KIAA1958: variants seen among roughly 807,000 people sequenced by gnomAD.
KIAA1958 encodes KIAA1958.
KIAA1958 carries 14 observed loss-of-function variants against 47.2 expected under a neutral mutation model. The observed-to-expected ratio is 0.30, with a 90% confidence interval of 0.20 to 0.46. The LOEUF (loss-of-function observed/expected upper bound fraction) is 0.46. KIAA1958 is among the 20% of genes least tolerant of loss of function. The pLI is 1.00. For synonymous variants in KIAA1958, 354 were observed against 353.3 expected, an observed-to-expected ratio of 1.00 and a Z score of -0.02; for missense variants, 803 against 909.2, an observed-to-expected ratio of 0.88 and a Z score of 1.50.
chr9:112,497,781 G>A (rs1217323978), intron 1 of KIAA1958, among the ~76,000 whole-genome samples: 1 of 151,842 alleles, frequency 6.6e-6, no homozygotes, highest in African/African-American at 2.4e-5. Flanking sequence ...TTAGGTTTCT[G>A]TTTCTACCAG....
intron 3 of KIAA1958, among the ~76,000 whole-genome samples, chr9:112,653,837 C>G (rs138340269): frequency 1.8e-3 from 275 of 152,148 alleles, no homozygotes; most frequent in African/African-American, 6.4e-3. Context: ...GAGGTGGATG[C>G]TGCAGTGAGC....
At chr9:112,545,406 T>C (rs6477947) in intron 1 of KIAA1958, among the ~76,000 whole-genome samples, 145,350 of 152,258 alleles carry the variant, frequency 0.95, 69,451 homozygotes, top group African/African-American at 0.99. Flanking sequence ...TTAAACCATA[T>C]TGAGGGAGAA....
At chr9:112,503,122 A>G (rs1489710585) in intron 1 of KIAA1958, among the ~76,000 whole-genome samples, 1 of 152,216 alleles carries the variant, frequency 6.6e-6, no homozygotes, top group Non-Finnish European at 1.5e-5. Flanking sequence ...GATAAGTGCT[A>G]AGAAGGAAGA....
chr9:112,595,880 G>A lies in KIAA1958; in HGVS notation c.1171+20629G>A, dbSNP rs559701508. On this transcript the variant is annotated intron_variant, in intron 2 of 3. Coordinates refer to ENST00000337530, the MANE Select transcript of KIAA1958 (RefSeq NM_133465.4). The stretch of plus-strand genomic sequence containing the variant: ...GGCTCACCGCAACGTCCGCCTCCCG[G>A]GTTCAAGTGATTCTCCTGCCTCAGC... 9.2e-5 allele frequency among the ~76,000 whole-genome samples: 14 copies of A among 151,794 alleles called. No homozygotes were observed. The South Asian group carries it at 2.9e-3, about 32-fold the overall frequency.
Position 112,667,028 on chromosome 9 carries a change from C to T in KIAA1958, c.*6959C>T, listed in dbSNP as rs1837359627. ...AACAATAAATACCTGAGTAGCAGAA[C>T]ACGCAAATATTATGATTTTTTATGT... On this transcript the variant is annotated 3_prime_UTR_variant, in exon 4 of 4. Coordinates refer to ENST00000337530, the MANE Select transcript of KIAA1958 (RefSeq NM_133465.4). The T allele has an allele frequency of 6.6e-6, 1 of 152,150 alleles. No individual in the cohort carries two copies. Among genetic ancestry groups the T allele is most frequent in the Non-Finnish European group, 1.5e-5 (1 of 68,044 alleles). The allele number at this position is 152,150 out of a possible 1,614,324, so 9.4% of individuals were successfully genotyped here.
intron 2 of KIAA1958, chr9:112,581,634 C>T (rs960885619): frequency 6.6e-6 from 1 of 152,382 alleles, no homozygotes; most frequent in Admixed American, 6.5e-5. Flanking sequence ...AGGAAGTGAA[C>T]CTTGGAACTG....
chr9:112,504,012 A>G (rs769317574), intron 1 of KIAA1958, among the ~76,000 whole-genome samples: 3 of 152,078 alleles, frequency 2.0e-5, no homozygotes, highest in East Asian at 1.9e-4. Flanking sequence ...AGTATTTTGC[A>G]TATTTCTGTC....
At chr9:112,488,353 C>T (rs1833906498) in intron 1 of KIAA1958, among the ~76,000 whole-genome samples, 1 of 152,078 alleles carries the variant, frequency 6.6e-6, no homozygotes, top group Non-Finnish European at 1.5e-5. Flanking sequence ...ATTTGATTAG[C>T]TAGCTAAGTT....
intron 2 of KIAA1958, among the ~76,000 whole-genome samples, chr9:112,633,557 A>G (rs78235473): frequency 0.024 from 3,706 of 152,170 alleles, 76 homozygotes; most frequent in Non-Finnish European, 0.029. Flanking sequence ...TTATGACGCT[A>G]ATATATTGCT....
intron 3 of KIAA1958, among the ~76,000 whole-genome samples, chr9:112,646,484 G>A (rs1239741800): frequency 6.6e-6 from 1 of 152,186 alleles, no homozygotes; most frequent in African/African-American, 2.4e-5. Flanking sequence ...AATGAAAGTG[G>A]TATTTTAGGG....
chr9:112,531,551 C>T (rs1231134397), intron 1 of KIAA1958, among the ~76,000 whole-genome samples: 2 of 152,096 alleles, frequency 1.3e-5, no homozygotes, highest in East Asian at 1.9e-4. Context: ...AATAAATTGG[C>T]TTGTGTTACT....
chr9:112,625,159 G>A (rs1044732476), intron 2 of KIAA1958, among the ~76,000 whole-genome samples: 1 of 151,956 alleles, frequency 6.6e-6, no homozygotes, highest in Non-Finnish European at 1.5e-5. Context: ...TTTGTTTTTC[G>A]AGACAGGGTC....
chr9:112,542,283 C>T (rs1834957512), intron 1 of KIAA1958, among the ~76,000 whole-genome samples: 1 of 151,920 alleles, frequency 6.6e-6, no homozygotes, highest in African/African-American at 2.4e-5. Flanking sequence ...GAACATAGCT[C>T]ATGAATATGA....
At chr9:112,513,253 C>T (rs1834353043) in intron 1 of KIAA1958, among the ~76,000 whole-genome samples, 1 of 129,672 alleles carries the variant, frequency 7.7e-6, no homozygotes, top group Non-Finnish European at 1.6e-5. Flanking sequence ...GATCCACCCA[C>T]CTCAGCCTCC....
intron 1 of KIAA1958, among the ~76,000 whole-genome samples, chr9:112,531,547 T>G (rs1834752248): frequency 1.3e-5 from 2 of 152,176 alleles, no homozygotes; most frequent in Non-Finnish European, 1.5e-5. Context: ...TAAAAATAAA[T>G]TGGCTTGTGT....
Position 112,575,366 on chromosome 9 carries a change from T to C in KIAA1958, c.1171+115T>C, listed in dbSNP as rs145938354. On this transcript the variant is annotated intron_variant, in intron 2 of 3. Transcript: ENST00000337530. The stretch of plus-strand genomic sequence containing the variant: ...CTAGAATTCAGTCCTTTGTTAGTCA[T>C]AGAAAGATAGAAACAATGACTGTGT... The C allele has an allele frequency of 1.2e-3, 761 of 653,562 alleles. 6 individuals are homozygous for C. The African/African-American group carries it at 0.012, about 11-fold the overall frequency. The allele number at this position is 653,562 out of a possible 1,614,324, so 40.5% of individuals were successfully genotyped here.
intron 2 of KIAA1958, among the ~76,000 whole-genome samples, chr9:112,636,455 T>C (rs950742558): frequency 1.3e-5 from 2 of 152,124 alleles, no homozygotes; most frequent in Admixed American, 6.5e-5. Context: ...CTCCCTGTTT[T>C]GTCAGTTGTG....
At chr9:112,576,776 G>A (rs1232591141) in intron 2 of KIAA1958, among the ~76,000 whole-genome samples, 1 of 151,954 alleles carries the variant, frequency 6.6e-6, no homozygotes, top group Non-Finnish European at 1.5e-5. Flanking sequence ...TCATATTTTG[G>A]CTATTATGAA....
At chr9:112,522,450 T>C (rs1195622389) in intron 1 of KIAA1958, among the ~76,000 whole-genome samples, 1 of 152,244 alleles carries the variant, frequency 6.6e-6, no homozygotes, top group Non-Finnish European at 1.5e-5. Flanking sequence ...GCTCTGGGCC[T>C]GCTTTCCTTT....
Sources: allele counts gnomAD v4.1 joint callset (sites outside exome capture counted in the v4.1 genomes callset), GRCh38; gene constraint gnomAD v4.1.1; transcripts MANE v1.5; gene names NCBI Gene and HGNC (gene_info 2026-07-23, HGNC 2026-07-21).